Variants in TUB observed in about 807,000 individuals in gnomAD.
TUB encodes TUB bipartite transcription factor.
Under a neutral mutation model 59.7 loss-of-function variants are expected in TUB, and 33 were observed. The observed-to-expected ratio is 0.55, with a 90% CI of 0.42 to 0.74. The LOEUF (loss-of-function observed/expected upper bound fraction) is 0.74. Among genes scored for constraint, TUB ranks in the 30% least tolerant of loss-of-function variants. The probability of loss-of-function intolerance (pLI) is 0.00; values close to 1 mark genes in which losing one functional copy is unlikely to be tolerated. For missense variants in TUB, 659 were observed against 672.0 expected, an observed-to-expected ratio of 0.98 and a Z score of 0.21; for synonymous variants, 293 against 256.4, an observed-to-expected ratio of 1.14 and a Z score of -1.36.
At chr11:8,101,370 C>T (rs976215695) in intron 11 of TUB, 116 bp from the exon 12 acceptor site, 1 of 1,321,864 alleles carries the variant, frequency 7.6e-7, no homozygotes. Flanking sequence ...ATTCCCCTGG[C>T]ATCTCTGCTT....
upstream of TUB, among the ~76,000 whole-genome samples, chr11:8,078,434 T>C (rs574657237): frequency 6.6e-6 from 1 of 152,256 alleles, no homozygotes; most frequent in South Asian, 2.1e-4. Flanking sequence ...GTCATGGTTA[T>C]AGTGCAGTTG....
intron 1 of TUB, among the ~76,000 whole-genome samples, chr11:8,023,960 C>G (rs1030916271): frequency 1.3e-5 from 2 of 152,216 alleles, no homozygotes; most frequent in South Asian, 2.1e-4. Flanking sequence ...CCATTCTAGA[C>G]CCTTCTCTTC....
chr11:8,071,598 G>A (rs931904988), intron 2 of TUB, among the ~76,000 whole-genome samples: 4 of 152,202 alleles, frequency 2.6e-5, no homozygotes, highest in African/African-American at 9.7e-5. Context: ...TAAGGAGCAA[G>A]GGAAGTTTTA....
At chr11:8,083,254 T>C (rs1177076621) in intron 1 of TUB, among the ~76,000 whole-genome samples, 1 of 152,064 alleles carries the variant, frequency 6.6e-6, no homozygotes, top group Non-Finnish European at 1.5e-5. Flanking sequence ...GGGGTCCAGA[T>C]GGCAGGGTGG....
At chr11:8,041,753 A>G (rs1038787780) in intron 2 of TUB, among the ~76,000 whole-genome samples, 2 of 152,052 alleles carry the variant, frequency 1.3e-5, no homozygotes, top group African/African-American at 2.4e-5. Flanking sequence ...ACTGCCCACC[A>G]TTCACCACCT....
rs142823236 is a variant in TUB, at chr11:8,090,185, C to A, written c.207C>A (p.Pro69=). 5 of 1,613,670 alleles carry A rather than the reference C, an allele frequency of 3.1e-6. No individual in the cohort carries two copies. Among genetic ancestry groups the A allele is most frequent in the East Asian group, 4.5e-5 (2 of 44,900 alleles). ...CCCGGCAGTCAGAGGAACAAGCCCC[C>A]CTGGTGGAGTCCTACCTCAGCAGCA... ...RRARQSEEQA[P]LVESYLSSSG... is the part of the protein sequence containing the mutation. Residue 69 remains proline (P), a synonymous_variant, in exon 3 of 12, where the codon CCC becomes CCA. Transcript: ENST00000299506.
chr11:8,072,824 T>C (rs1943382963), intron 2 of TUB, among the ~76,000 whole-genome samples: 1 of 152,226 alleles, frequency 6.6e-6, no homozygotes, highest in Non-Finnish European at 1.5e-5. Context: ...TTCACAGCTG[T>C]GTTTCTTACA....
intron 2 of TUB, among the ~76,000 whole-genome samples, chr11:8,052,116 A>G (rs73396739): frequency 0.01 from 1,568 of 152,368 alleles, 21 homozygotes; most frequent in African/African-American, 0.033. Context: ...GATAACTGGC[A>G]TGGCAAATGC....
Position 8,100,579 on chromosome 11 carries a change from G to C in TUB, c.1193G>C (p.Arg398Thr), listed in dbSNP as rs2133907337. The change falls in exon 10 of 12, where the codon AGA becomes ACA. Residue 398 changes from arginine (R) to threonine (T), a missense_variant. Physicochemically the swap from Arg to Thr is moderately conservative, Grantham distance 71. Around this residue, in one of 3 missense-constraint regions of TUB, gnomAD observed 226 missense variants for 210.8 expected, o/e 1.07. Transcript: ENST00000299506. ...IVPGMNMVHE[R>T]VSIRPRNEHE... Reference sequence around the variant, plus strand: ...CCAGGCATGAACATGGTTCATGAGAGAGTCTCTATCCGCCCCCGCAACGTG... The same window carrying C: ...CCAGGCATGAACATGGTTCATGAGACAGTCTCTATCCGCCCCCGCAACGTG... 6.2e-7 allele frequency: 1 copy of C among 1,614,098 alleles called. No individual in the cohort carries two copies. The highest frequency in any genetic ancestry group is 8.5e-7 in the Non-Finnish European group (1 of 1,180,008).
chr11:8,077,674 C>T (rs949111174), upstream of TUB: 1 of 152,292 alleles, frequency 6.6e-6, no homozygotes, highest in South Asian at 2.1e-4. Context: ...AACCTTATCT[C>T]CCCCCTTCTA....
intron 1 of TUB, among the ~76,000 whole-genome samples, chr11:8,024,847 C>T (rs527457474): frequency 4.9e-4 from 74 of 152,292 alleles, no homozygotes; most frequent in African/African-American, 1.7e-3. Flanking sequence ...TGAGTGTGAC[C>T]TCTCAGACTC....
At chr11:8,080,140 G>A (rs374769669), upstream of TUB, among the ~76,000 whole-genome samples, 13 of 152,290 alleles carry the variant, frequency 8.5e-5, no homozygotes, top group East Asian at 2.1e-3. Context: ...CACTCTCTGC[G>A]GGGCAGTCCT....
chr11:8,055,532 T>C (rs567978158), intron 2 of TUB, among the ~76,000 whole-genome samples: 1 of 152,224 alleles, frequency 6.6e-6, no homozygotes, highest in African/African-American at 2.4e-5. Context: ...GCTCAGATGA[T>C]GGGGTGGTCC....
Position 8,101,645 on chromosome 11 carries a change from G to A in TUB, c.*26G>A. 6.2e-7 allele frequency: 1 copy of A among 1,612,714 alleles called. No individual in the cohort carries two copies. Among genetic ancestry groups the A allele is most frequent in the South Asian group, 1.1e-5 (1 of 90,902 alleles). On this transcript the variant is annotated 3_prime_UTR_variant, in exon 12 of 12. Transcript: ENST00000299506. ...AGGCCTCTTCGTGCCCTTTGGGGTT[G>A]CCCAGCCTGGAGCGGAGCTTGCCTG...
chr11:8,097,538 G>A, intron 7 of TUB, 113 bp downstream of exon 7: 1 of 1,460,430 alleles, frequency 6.8e-7, no homozygotes, highest in Non-Finnish European at 9.5e-7. Flanking sequence ...GTTCCTCAAA[G>A]AAACTGCCTT....
At chr11:8,046,928 G>A (rs569444182) in intron 2 of TUB, among the ~76,000 whole-genome samples, 98 of 152,044 alleles carry the variant, frequency 6.4e-4, no homozygotes, top group Middle Eastern at 3.4e-3. Flanking sequence ...TTTAAAATTC[G>A]CAAAAAATTT....
rs142618197 is a variant in TUB at position 8,033,498 on chromosome 11, G to A, written c.56+14140G>A. On this transcript the variant is annotated intron_variant, in intron 1 of 11. Coordinates refer to the TUB transcript ENST00000534099. Reference sequence around the variant, plus strand: ...TTAGCTTTGCCTGCCCCCTGAGGCAGCTCATGGACTTCTTCAGACTCTGTA... The same window carrying A: ...TTAGCTTTGCCTGCCCCCTGAGGCAACTCATGGACTTCTTCAGACTCTGTA... Among the ~76,000 whole-genome samples, 1,269 of 152,346 alleles carry A rather than the reference G, an allele frequency of 8.3e-3. 12 individuals carry two copies. Among genetic ancestry groups the A allele is most frequent in the Middle Eastern group, 0.027 (8 of 292 alleles).
rs1268493368 is a variant in TUB at position 8,105,333 on chromosome 11, T to C, written c.*3714T>C. The stretch of plus-strand genomic sequence containing the variant: ...AATGACCTGCAGTCAGGGCCCAGAG[T>C]TGGGACTCTATACTACCCTGGGCTC... On this transcript the variant is annotated 3_prime_UTR_variant, in exon 12 of 12. Coordinates refer to ENST00000299506, the MANE Select transcript of TUB (RefSeq NM_177972.3). 6.6e-6 allele frequency: 1 copy of C among 152,146 alleles called. No homozygotes were observed. Among genetic ancestry groups the C allele is most frequent in the South Asian group, 2.1e-4 (1 of 4,834 alleles). The allele number at this position is 152,146 out of a possible 1,614,324, so 9.4% of individuals were successfully genotyped here. A position where few individuals can be genotyped will look rare whatever the true frequency, so the allele number is the denominator to read the frequency against.
At chr11:8,021,927 A>G (rs1306162488) in intron 1 of TUB, among the ~76,000 whole-genome samples, 1 of 152,074 alleles carries the variant, frequency 6.6e-6, no homozygotes, top group East Asian at 1.9e-4. Flanking sequence ...AAAAAAAAAA[A>G]AAAAAGAAAA....
Sources: gnomAD v4.1 joint callset for allele counts (sites outside exome capture counted in the v4.1 genomes callset) on GRCh38, gnomAD v4.1.1 for gene constraint, gnomAD v4.1.1 regional missense constraint, MANE v1.5 for transcripts, NCBI Gene and HGNC (gene_info 2026-07-23, HGNC 2026-07-21) for gene names.